DIAPH3: variants seen among roughly 807,000 people sequenced by gnomAD.
DIAPH3 encodes the protein diaphanous related formin 3, also known as protein diaphanous homolog 3.
Under a neutral mutation model 144.3 loss-of-function variants are expected in DIAPH3, and 117 were observed. The observed-to-expected ratio is 0.81, with a 90% CI of 0.70 to 0.95. The LOEUF (loss-of-function observed/expected upper bound fraction) is 0.95, where lower values mean the gene tolerates loss of function less well. Among genes scored for constraint, DIAPH3 ranks in the 40% least tolerant of loss-of-function variants. DIAPH3 has a pLI of 0.00. For missense variants in DIAPH3, 1,421 were observed against 1,412.7 expected (o/e 1.01, Z -0.09); for synonymous variants, 519 against 488.9 (o/e 1.06, Z -0.81).
chr13:59,788,199 A>G (rs2139382391), intron 25 of DIAPH3, among the ~76,000 whole-genome samples: 1 of 152,346 alleles, frequency 6.6e-6, no homozygotes, highest in East Asian at 1.9e-4. Flanking sequence ...CAGCATAGCA[A>G]CAATGAAAAA....
chr13:59,707,601 A>G (rs1394437746), intron 27 of DIAPH3, among the ~76,000 whole-genome samples: 1 of 152,240 alleles, frequency 6.6e-6, no homozygotes, highest in Non-Finnish European at 1.5e-5. Context: ...TACATTTCAT[A>G]TCAAGGTTTA....
At chr13:60,072,302 T>C (rs2057239812) in intron 4 of DIAPH3, among the ~76,000 whole-genome samples, 2 of 152,172 alleles carry the variant, frequency 1.3e-5, no homozygotes, top group African/African-American at 2.4e-5. Context: ...TAGCAGCTGG[T>C]CGTTGTCCTT....
At chr13:59,990,019 T>C (rs952961953) in intron 12 of DIAPH3, among the ~76,000 whole-genome samples, 4 of 151,932 alleles carry the variant, frequency 2.6e-5, no homozygotes, top group African/African-American at 9.7e-5. Context: ...TATAGTATCA[T>C]AAACAGCATG....
chr13:59,761,154 T>C (rs2037561723), intron 27 of DIAPH3, among the ~76,000 whole-genome samples: 5 of 152,186 alleles, frequency 3.3e-5, no homozygotes, highest in Admixed American at 3.3e-4. Flanking sequence ...AAATATTTAG[T>C]ATTTATCTCT....
intron 12 of DIAPH3, among the ~76,000 whole-genome samples, chr13:59,984,741 C>T (rs1298391681): frequency 7.3e-6 from 1 of 136,408 alleles, no homozygotes; most frequent in African/African-American, 2.8e-5. Context: ...ATACATTCCT[C>T]GACACATACA....
chr13:59,694,776 G>C (rs2033714602), intron 27 of DIAPH3, among the ~76,000 whole-genome samples: 1 of 152,094 alleles, frequency 6.6e-6, no homozygotes. Context: ...TCAGTCATTG[G>C]AAACATCTGG....
chr13:59,951,514 C>T (rs1178875707), intron 17 of DIAPH3, among the ~76,000 whole-genome samples: 5 of 152,200 alleles, frequency 3.3e-5, no homozygotes, highest in South Asian at 2.1e-4. Flanking sequence ...ATATATCTTT[C>T]ATGTAAAATT....
At chr13:60,130,180 T>G (rs2059103995) in intron 2 of DIAPH3, among the ~76,000 whole-genome samples, 1 of 152,332 alleles carries the variant, frequency 6.6e-6, no homozygotes, top group Non-Finnish European at 1.5e-5. Flanking sequence ...CTTTCTACAC[T>G]GTATCAGTCA....
At chr13:59,671,203 T>G (rs1172558361) in intron 27 of DIAPH3, among the ~76,000 whole-genome samples, 12 of 152,172 alleles carry the variant, frequency 7.9e-5, no homozygotes, top group Admixed American at 7.9e-4. Context: ...TGGAGAAAAC[T>G]CTATACTCTA....
intron 4 of DIAPH3, among the ~76,000 whole-genome samples, chr13:60,064,829 T>A (rs1223399857): frequency 6.6e-6 from 1 of 152,184 alleles, no homozygotes. Context: ...TTAATCATTT[T>A]TAGCTTTTGA....
At position 59,990,670 on chromosome 13, in the gene DIAPH3, T is replaced by C. The variant is rs1377659162; in HGVS notation, c.1361+488A>G. Among the ~76,000 whole-genome samples the C allele has an allele frequency of 3.3e-5, 5 of 151,960 alleles. 1 individual carries two copies. Among genetic ancestry groups the C allele is most frequent in the African/African-American group, 1.2e-4 (5 of 41,418 alleles). ...GAGGTTAAAAGAAAGATAAATAATT[T>C]GTTAACCTCAGATGGCTAGGATATA... is the stretch of plus-strand genomic sequence containing the variant. On this transcript the variant is annotated intron_variant, in intron 12 of 27. Transcript: ENST00000400324.
At chr13:59,704,232 G>A (rs2034287854) in intron 27 of DIAPH3, among the ~76,000 whole-genome samples, 1 of 152,214 alleles carries the variant, frequency 6.6e-6, no homozygotes, top group Non-Finnish European at 1.5e-5. Context: ...CCACACAACT[G>A]CCGAAACGTG....
At chr13:60,154,025 A>T (rs541013247) in intron 1 of DIAPH3, among the ~76,000 whole-genome samples, 10 of 152,106 alleles carry the variant, frequency 6.6e-5, no homozygotes, top group Non-Finnish European at 1.5e-4. Flanking sequence ...CTCTGCATCA[A>T]TCCAAATGTT....
intron 27 of DIAPH3, among the ~76,000 whole-genome samples, chr13:59,723,959 TAA>T (rs144643410): frequency 0.35 from 47,164 of 133,542 alleles, 8,403 homozygotes; most frequent in Admixed American, 0.43. Context: ...TGTTAAAAGT[TAA>T]AAAAAAAAAA....
chr13:59,711,673 G>A (rs1261837262), intron 27 of DIAPH3, among the ~76,000 whole-genome samples: 5 of 152,106 alleles, frequency 3.3e-5, no homozygotes, highest in Non-Finnish European at 4.4e-5. Context: ...CCATTATATC[G>A]ATGAGGAAAT....
At chr13:59,833,321 G>A in intron 23 of DIAPH3, 50 bp from the exon 24 acceptor site, 2 of 1,454,240 alleles carry the variant, frequency 1.4e-6, no homozygotes, top group Non-Finnish European at 1.9e-6. Flanking sequence ...TGCTTTGGGG[G>A]CAGGGGGAAC....
At chr13:59,971,371 T>C (rs1018931822) in intron 15 of DIAPH3, among the ~76,000 whole-genome samples, 2 of 152,164 alleles carry the variant, frequency 1.3e-5, no homozygotes, top group African/African-American at 4.8e-5. Context: ...AAAACATAAT[T>C]GCCAGAAGTA....
chr13:60,132,868 G>T, intron 2 of DIAPH3, 89 bp downstream of exon 2: 1 of 1,105,680 alleles, frequency 9.0e-7, no homozygotes, highest in Non-Finnish European at 1.4e-6. Flanking sequence ...GTGACTTTTA[G>T]CCATTTCAAA....
At chr13:59,999,097 T>C (rs1431670242) in intron 9 of DIAPH3, among the ~76,000 whole-genome samples, 2 of 152,094 alleles carry the variant, frequency 1.3e-5, no homozygotes, top group Non-Finnish European at 2.9e-5. Flanking sequence ...ATTAAAGTGG[T>C]AGGTGGAACA....
Sources: gnomAD v4.1 joint callset for allele counts (sites outside exome capture counted in the v4.1 genomes callset) on GRCh38, gnomAD v4.1.1 for gene constraint, MANE v1.5 for transcripts, NCBI Gene and HGNC (gene_info 2026-07-23, HGNC 2026-07-21) for gene names.